The following GEMIN5 variants were observed in gnomAD, a reference collection of about 807,000 sequenced individuals.
GEMIN5 encodes gem-associated protein 5.
In GEMIN5, 124 loss-of-function variants were observed where a neutral mutation model predicts 176.9. The ratio of observed to expected loss-of-function variants is 0.70; its 90% CI spans 0.61 to 0.81. The LOEUF is 0.81. GEMIN5 is among the 40% of genes least tolerant of loss of function. The pLI, the probability that GEMIN5 is intolerant of heterozygous loss-of-function variation, is 0.00. For synonymous variants in GEMIN5, 673 were observed against 665.2 expected (o/e 1.01, Z -0.18); for missense variants, 1,843 against 1,814.6 (o/e 1.02, Z -0.28).
chr5:154,922,986 G>A (rs1031648739), intron 9 of GEMIN5, among the ~76,000 whole-genome samples: 5 of 152,124 alleles, frequency 3.3e-5, no homozygotes, highest in African/African-American at 9.7e-5. Context: ...GTGAGCCACC[G>A]TGCCAGGCCT....
chr5:154,901,214 C>T, intron 21 of GEMIN5, 125 bp downstream of exon 21: 1 of 866,624 alleles, frequency 1.2e-6, no homozygotes, highest in Admixed American at 2.5e-5. Context: ...CTGAGTAGTC[C>T]CAGTTACTCA....
intron 6 of GEMIN5, among the ~76,000 whole-genome samples, chr5:154,927,918 G>T (rs1407726075): frequency 6.6e-6 from 1 of 152,050 alleles, no homozygotes; most frequent in Non-Finnish European, 1.5e-5. Flanking sequence ...TTGAGCCCAG[G>T]AGGTTGAGGC....
Position 154,905,400 on chromosome 5 carries a change from G to T in GEMIN5, c.2472C>A (p.Val824=). 1 of 1,606,472 alleles carries T rather than the reference G, an allele frequency of 6.2e-7. No individual in the cohort carries two copies. The highest frequency in any genetic ancestry group is 1.1e-5 in the South Asian group (1 of 89,910). ...EKSKVTINNK[V]ILLKKEPPKE... is the part of the protein sequence containing the mutation. ...TTGGTGGCTCCTTTTTCAGTAAAAT[G>T]ACTTTGTTATTAATGGTGACTTTTG... Residue 824 remains valine (V), a synonymous_variant, in exon 17 of 28, where the codon GTC becomes GTA. Coordinates refer to ENST00000285873, the MANE Select transcript of GEMIN5 (RefSeq NM_015465.5).
chr5:154,899,166 G>A (rs1310095859), intron 22 of GEMIN5, 25 bp downstream of exon 22: 2 of 1,587,486 alleles, frequency 1.3e-6, no homozygotes, highest in Non-Finnish European at 1.7e-6. Context: ...TATGTTGGAA[G>A]CATCCCTCCA....
At chr5:154,926,666 C>G (rs1764043751) in intron 7 of GEMIN5, among the ~76,000 whole-genome samples, 1 of 152,198 alleles carries the variant, frequency 6.6e-6, no homozygotes, top group Admixed American at 6.5e-5. Context: ...TAAACCATAG[C>G]ATGAGGACCT....
intron 10 of GEMIN5, 83 bp downstream of exon 10, chr5:154,921,260 G>T: frequency 1.3e-6 from 1 of 777,596 alleles, no homozygotes; most frequent in South Asian, 1.4e-5. Flanking sequence ...GACCATTTAT[G>T]ACTCTTTCCA....
chr5:154,918,121 C>A, intron 11 of GEMIN5, 117 bp from the exon 12 acceptor site: 2 of 646,034 alleles, frequency 3.1e-6, no homozygotes, highest in African/African-American at 1.8e-5. Context: ...AACAGCTATT[C>A]TTGTAAATAA....
intron 21 of GEMIN5, 86 bp from the exon 22 acceptor site, chr5:154,899,396 G>T: frequency 1.8e-6 from 2 of 1,140,056 alleles, no homozygotes; most frequent in African/African-American, 1.6e-5. Context: ...AGGACAAACT[G>T]TCCCTTTTGT....
chr5:154,905,519 A>C lies in GEMIN5; in HGVS notation c.2396-43T>G, dbSNP rs1763551020. 3.4e-6 allele frequency: 3 copies of C among 878,664 alleles called. No individual in the cohort carries two copies. In the Admixed American group the frequency reaches 6.9e-5, roughly 20 times the overall value. 54.4% of individuals were successfully genotyped at this position (878,664 alleles called of 1,614,324 possible). On this transcript the variant is annotated intron_variant, in intron 16 of 27. Coordinates refer to ENST00000285873, the MANE Select transcript of GEMIN5 (RefSeq NM_015465.5). Reference sequence around the variant, plus strand: ...AAGGAAAAAAAAAGTTAAGGATAACAATAATACAGAATTTCAGTTCTTTGT... The same window carrying C: ...AAGGAAAAAAAAAGTTAAGGATAACCATAATACAGAATTTCAGTTCTTTGT...
At chr5:154,905,578 A>T in intron 16 of GEMIN5, 102 bp from the exon 17 acceptor site, 1 of 523,618 alleles carries the variant, frequency 1.9e-6, no homozygotes. Flanking sequence ...TTAGCAATAT[A>T]ATCAATTCAT....
At chr5:154,916,496 C>CT (rs1763813243) in intron 13 of GEMIN5, among the ~76,000 whole-genome samples, 1 of 150,442 alleles carries the variant, frequency 6.6e-6, no homozygotes, top group Non-Finnish European at 1.5e-5. Context: ...ATTTTTTTTT[C>CT]TTTCTTTTTT....
chr5:154,935,732 A>C, intron 3 of GEMIN5, 109 bp downstream of exon 3: 1 of 737,228 alleles, frequency 1.4e-6, no homozygotes, highest in Non-Finnish European at 2.3e-6. Context: ...AGTGGTTAAC[A>C]TCTGTAGATG....
Position 154,917,212 on chromosome 5 carries a change from T to C in GEMIN5, c.1674-33A>G, listed in dbSNP as rs748666193. On this transcript the variant is annotated intron_variant, in intron 12 of 27. Transcript: ENST00000285873. ...AAGAAACACATCAAAACAAGAAAGA[T>C]GGATGATCAAATTACAAGTTACAAT... 3.1e-5 allele frequency: 39 copies of C among 1,255,540 alleles called. 1 individual carries two copies. In the South Asian group the frequency reaches 6.1e-4, roughly 20 times the overall value. 77.8% of individuals were successfully genotyped at this position (1,255,540 alleles called of 1,614,324 possible). A position where few individuals can be genotyped will look rare whatever the true frequency, so the allele number is the denominator to read the frequency against.
At chr5:154,897,422 A>C (rs183834096) in intron 23 of GEMIN5, among the ~76,000 whole-genome samples, 9 of 152,346 alleles carry the variant, frequency 5.9e-5, no homozygotes, top group Middle Eastern at 3.4e-3. Context: ...AGGCAGTGGT[A>C]TGTTACTGAT....
chr5:154,914,004 AAAAT>A (rs1763761643), intron 13 of GEMIN5, among the ~76,000 whole-genome samples: 1 of 151,768 alleles, frequency 6.6e-6, no homozygotes, highest in Non-Finnish European at 1.5e-5. Flanking sequence ...CAGTTTCTAA[AAAAT>A]AAATAAATAC....
chr5:154,911,984 CA>C, intron 14 of GEMIN5, 86 bp from the exon 15 acceptor site: 1 of 1,247,642 alleles, frequency 8.0e-7, no homozygotes, highest in South Asian at 1.6e-5. Flanking sequence ...AAACAAAAAA[CA>C]AAAAACAAAA....
chr5:154,904,167 T>C (rs931080812), intron 18 of GEMIN5, among the ~76,000 whole-genome samples: 9 of 152,190 alleles, frequency 5.9e-5, no homozygotes, highest in African/African-American at 2.2e-4. Context: ...CATAGGATAC[T>C]GTTCAATGGG....
chr5:154,897,882 A>G (rs1438853016), intron 23 of GEMIN5, among the ~76,000 whole-genome samples: 2 of 150,924 alleles, frequency 1.3e-5, no homozygotes, highest in Non-Finnish European at 2.9e-5. Context: ...TGCCAACCCA[A>G]GGCCTGGGCT....
At chr5:154,894,473 T>C (rs1763306339) in intron 24 of GEMIN5, among the ~76,000 whole-genome samples, 1 of 152,080 alleles carries the variant, frequency 6.6e-6, no homozygotes, top group Non-Finnish European at 1.5e-5. Flanking sequence ...ATGTTTAACT[T>C]TATAAGAAAC....
Sources: allele counts gnomAD v4.1 joint callset (sites outside exome capture counted in the v4.1 genomes callset), GRCh38; gene constraint gnomAD v4.1.1; transcripts MANE v1.5; gene names NCBI Gene and HGNC (gene_info 2026-07-23, HGNC 2026-07-21).